CEP76: variants seen among roughly 807,000 people sequenced by gnomAD.
CEP76 encodes centrosomal protein 76, also known as centrosomal protein of 76 kDa.
A neutral mutation model predicts 83.3 loss-of-function variants in CEP76; 55 were observed. The observed-to-expected ratio is 0.66, with a 90% CI of 0.53 to 0.83. The LOEUF is 0.83. Ranked by LOEUF, CEP76 falls within the 40% of genes least tolerant of loss-of-function variation. CEP76 has a pLI of 0.00. For missense variants in CEP76, 694 were observed against 799.5 expected (o/e 0.87, Z 1.59); for synonymous variants, 270 against 274.5 (o/e 0.98, Z 0.16).
chr18:12,694,960 C>A (rs2039899397), intron 6 of CEP76, among the ~76,000 whole-genome samples: 3 of 152,136 alleles, frequency 2.0e-5, no homozygotes, highest in African/African-American at 7.2e-5. Context: ...TGTGATCCGC[C>A]CGCCTCGGCC....
intron 11 of CEP76, among the ~76,000 whole-genome samples, 171 bp downstream of exon 11, chr18:12,674,365 C>T (rs968449750): frequency 1.3e-5 from 2 of 151,378 alleles, no homozygotes; most frequent in Non-Finnish European, 2.9e-5. Context: ...TCACTTGGGC[C>T]CAGGAGGTCA....
Position 12,678,208 on chromosome 18 carries a change from A to G in CEP76, c.1524T>C (p.Leu508=), listed in dbSNP as rs1286866716. The G allele has an allele frequency of 6.2e-7, 1 of 1,614,122 alleles. No homozygotes were observed. The highest frequency in any genetic ancestry group is 8.5e-7 in the Non-Finnish European group (1 of 1,180,010). The stretch of plus-strand genomic sequence containing the variant: ...ATGCACACAGAGGTGGAAAGGGAGG[A>G]AGGGATGTTGTAGCTCCAGGAGCAC... The part of the protein sequence containing the change: ...SVCAPGATTS[L]PPFPPLCAST... The change falls in exon 10 of 12, where the codon CTT becomes CTC. Residue 508 remains leucine (L), a synonymous_variant. Coordinates refer to ENST00000262127, the MANE Select transcript of CEP76 (RefSeq NM_024899.4).
At position 12,678,373 on chromosome 18, in the gene CEP76, A is replaced by G; in HGVS notation, c.1359T>C (p.Tyr453=). The G allele has an allele frequency of 6.2e-7, 1 of 1,614,154 alleles. No homozygotes were observed. The highest frequency in any genetic ancestry group is 8.5e-7 in the Non-Finnish European group (1 of 1,180,026). Residue 453 remains tyrosine (Y), a synonymous_variant, in exon 10 of 12, where the codon TAT becomes TAC. Transcript: ENST00000262127. ...VAEQPKPLYP[Y]RTIGCVFNHQ... ...GGTTGAAAACACAACCAATTGTTCG[A>G]TATGGGTACAGTGGTTTGGGCTGTT...
chr18:12,686,485 A>C, intron 7 of CEP76, 35 bp from the exon 8 acceptor site: 1 of 1,428,148 alleles, frequency 7.0e-7, no homozygotes, highest in South Asian at 1.2e-5. Flanking sequence ...GTAATGACAT[A>C]TTAATCATCC....
intron 7 of CEP76, among the ~76,000 whole-genome samples, chr18:12,690,946 C>G (rs570123215): frequency 1.4e-4 from 21 of 151,552 alleles, no homozygotes; most frequent in African/African-American, 3.4e-4. Flanking sequence ...AGAGCCCCCC[C>G]CCGTTCTGCA....
At position 12,677,117 on chromosome 18, in the gene CEP76, T is replaced by G. The variant is rs146113752; in HGVS notation, c.1623+992A>C. ...TATGACTAATACTTTTTATGTCTTCTTAAAAGCACTTTACAAAGGAAATCT... is the reference window on the plus strand; with the variant it reads ...TATGACTAATACTTTTTATGTCTTCGTAAAAGCACTTTACAAAGGAAATCT... On this transcript the variant is annotated intron_variant, in intron 10 of 11. Coordinates refer to ENST00000262127, the MANE Select transcript of CEP76 (RefSeq NM_024899.4). 9.9e-5 allele frequency among the ~76,000 whole-genome samples: 15 copies of G among 152,282 alleles called. No individual in the cohort carries two copies. In the East Asian group the frequency reaches 2.9e-3, roughly 29 times the overall value.
chr18:12,681,269 T>A (rs2145019081), intron 8 of CEP76, among the ~76,000 whole-genome samples: 1 of 150,208 alleles, frequency 6.7e-6, no homozygotes, highest in African/African-American at 2.4e-5. Flanking sequence ...TTTTTTTTTT[T>A]TTTTTTTTGA....
intron 11 of CEP76, among the ~76,000 whole-genome samples, chr18:12,673,994 C>G (rs2039028300): frequency 6.6e-6 from 1 of 152,264 alleles, no homozygotes; most frequent in Middle Eastern, 3.4e-3. Context: ...CAAACAAAAT[C>G]AGAGATACCT....
chr18:12,695,869 CA>C (rs2039937890), intron 5 of CEP76, among the ~76,000 whole-genome samples: 1 of 151,932 alleles, frequency 6.6e-6, no homozygotes, highest in Non-Finnish European at 1.5e-5. Context: ...CACACACACA[CA>C]CACACACACA....
chr18:12,688,283 CTTATT>C (rs1489141576), intron 7 of CEP76, among the ~76,000 whole-genome samples: 2 of 147,324 alleles, frequency 1.4e-5, no homozygotes, highest in African/African-American at 5.0e-5. Context: ...ATTTCTGTAA[CTTATT>C]TTAAAGTTTC....
Position 12,697,247 on chromosome 18 carries a change from G to A in CEP76, c.682C>T (p.Leu228=). Residue 228 remains leucine, a synonymous_variant, in exon 5 of 12, where the codon CTG becomes TTG. Transcript: ENST00000262127. ...CCTACACCCATAAGTTCCACAGTCA[G>A]ACTGGTCACTCCATTTTCTGAGCCC... ...VLGSENGVTS[L]TVELMGVGTE... is the part of the protein sequence containing the mutation. The A allele has an allele frequency of 1.2e-6, 2 of 1,613,352 alleles. No homozygotes were observed. Among genetic ancestry groups the A allele is most frequent in the Non-Finnish European group, 1.7e-6 (2 of 1,179,646 alleles).
At chr18:12,684,653 G>C (rs570667078) in intron 8 of CEP76, 1 of 151,626 alleles carries the variant, frequency 6.6e-6, no homozygotes, top group Non-Finnish European at 1.5e-5. Context: ...GCTAATTTTT[G>C]TATTTTTTCA....
intron 5 of CEP76, among the ~76,000 whole-genome samples, chr18:12,696,697 A>G (rs2039969953): frequency 6.6e-6 from 1 of 152,046 alleles, no homozygotes; most frequent in South Asian, 2.1e-4. Context: ...TTCCAAGGAG[A>G]CTATGATAAA....
At chr18:12,678,488 A>C (rs765985140) in intron 9 of CEP76, 46 bp from the exon 10 acceptor site, 1 of 1,279,820 alleles carries the variant, frequency 7.8e-7, no homozygotes, top group Admixed American at 2.2e-5. Context: ...AAAAATTAAA[A>C]AGGCAGCATC....
intron 7 of CEP76, among the ~76,000 whole-genome samples, chr18:12,689,219 T>C (rs1176586310): frequency 6.6e-6 from 1 of 152,248 alleles, no homozygotes; most frequent in African/African-American, 2.4e-5. Context: ...CTATTGTTTT[T>C]ATAATTAGAT....
chr18:12,674,283 G>A (rs1455276154), intron 11 of CEP76, among the ~76,000 whole-genome samples: 2 of 151,568 alleles, frequency 1.3e-5, no homozygotes, highest in African/African-American at 4.8e-5. Flanking sequence ...ACAAAATAAA[G>A]ATAAAAAAAA....
intron 2 of CEP76, 63 bp from the exon 3 acceptor site, chr18:12,699,968 C>CGAGACCATCCTGGCT: frequency 9.0e-7 from 1 of 1,116,474 alleles, no homozygotes; most frequent in Non-Finnish European, 1.3e-6. Flanking sequence ...AAGGAAATGT[C>CGAGACCATCCTGGCT]AATAAACATG....
At chr18:12,668,090 C>G (rs1042159141), downstream of CEP76, among the ~76,000 whole-genome samples, 17 of 151,926 alleles carry the variant, frequency 1.1e-4, no homozygotes, top group African/African-American at 3.9e-4. Context: ...CATGGTGAGA[C>G]CCTGTCCCTA....
At chr18:12,679,330 G>T (rs1205216517) in intron 9 of CEP76, 1 of 152,234 alleles carries the variant, frequency 6.6e-6, no homozygotes, top group African/African-American at 2.4e-5. Flanking sequence ...CGAGCAATTT[G>T]CAGTGGGGAG....
Sources: allele counts gnomAD v4.1 joint callset (sites outside exome capture counted in the v4.1 genomes callset), GRCh38; gene constraint gnomAD v4.1.1; transcripts MANE v1.5; gene names NCBI Gene and HGNC (gene_info 2026-07-23, HGNC 2026-07-21).